The following CCDC198 variants were observed in gnomAD, a reference collection of about 807,000 sequenced individuals.
CCDC198 encodes coiled-coil domain containing 198, also known as factor associated with metabolism and energy.
CCDC198 carries 18 observed loss-of-function variants against 35.6 expected under a neutral mutation model. That is an observed-to-expected ratio of 0.51 (90% CI 0.35 to 0.75). CCDC198 has a LOEUF of 0.75. Among genes scored for constraint, CCDC198 ranks in the 30% least tolerant of loss-of-function variants. The pLI, the probability that CCDC198 is intolerant of heterozygous loss-of-function variation, is 0.01. For missense variants in CCDC198, 365 were observed against 343.7 expected (o/e 1.06, Z -0.49); for synonymous variants, 119 against 113.4 (o/e 1.05, Z -0.31).
At chr14:57,490,444 G>C (rs1253595279) in intron 2 of CCDC198, among the ~76,000 whole-genome samples, 1 of 152,120 alleles carries the variant, frequency 6.6e-6, no homozygotes, top group East Asian at 1.9e-4. Flanking sequence ...AAGATAGAAG[G>C]ACTATAGAAA....
Position 57,469,517 on chromosome 14 carries a change from A to G in CCDC198, c.*1838T>C, listed in dbSNP as rs1333946578. The stretch of plus-strand genomic sequence containing the variant: ...CTAATTTTAGTGTTCAAAGTTATCC[A>G]TCCCATTTTTTGTGTTTTAAGCCTT... On this transcript the variant is annotated 3_prime_UTR_variant, in exon 6 of 6. Coordinates refer to ENST00000216445, the MANE Select transcript of CCDC198 (RefSeq NM_018168.4). The G allele has an allele frequency of 6.6e-6, 1 of 152,212 alleles. No individual in the cohort carries two copies. The highest frequency in any genetic ancestry group is 1.5e-5 in the Non-Finnish European group (1 of 68,038). 9.4% of individuals were successfully genotyped at this position (152,212 alleles called of 1,614,324 possible). A position where few individuals can be genotyped will look rare whatever the true frequency, so the allele number is the denominator to read the frequency against.
At chr14:57,490,387 G>A (rs1369782033) in intron 2 of CCDC198, among the ~76,000 whole-genome samples, 1 of 152,122 alleles carries the variant, frequency 6.6e-6, no homozygotes. Context: ...GGAATCCAGT[G>A]TCCCGAATTT....
Position 57,478,357 on chromosome 14 carries a change from G to A in CCDC198, c.655+2238C>T, listed in dbSNP as rs1213520090. ...CCTTGAATTCTGGCTCTATCACCCT[G>A]GGGCGAATAGTAGCTCCTACCTTCT... On this transcript the variant is annotated intron_variant, in intron 5 of 5. Coordinates refer to ENST00000216445, the MANE Select transcript of CCDC198 (RefSeq NM_018168.4). 6.5e-6 allele frequency: 4 copies of A among 620,070 alleles called. No homozygotes were observed. The East Asian group carries it at 5.6e-4, about 87-fold the overall frequency. 38.4% of individuals were successfully genotyped at this position (620,070 alleles called of 1,614,324 possible).
At chr14:57,479,082 G>A (rs1014325383) in intron 5 of CCDC198, 75 of 1,208,516 alleles carry the variant, frequency 6.2e-5, no homozygotes, top group Non-Finnish European at 7.3e-5. Context: ...GGGCAATGTA[G>A]CGTAGAAGTT....
chr14:57,472,495 G>A (rs1594774781), intron 5 of CCDC198, among the ~76,000 whole-genome samples: 1 of 152,290 alleles, frequency 6.6e-6, no homozygotes, highest in African/African-American at 2.4e-5. Context: ...ATTGGGTAGT[G>A]CTTTTTGTTG....
intron 5 of CCDC198, chr14:57,478,361 C>T (rs992339146): frequency 3.8e-5 from 25 of 662,442 alleles, no homozygotes; most frequent in South Asian, 6.7e-5. Context: ...CACCCTGGGG[C>T]GAATAGTAGC....
rs1189592622 is a variant in CCDC198 at position 57,470,358 on chromosome 14, A to G, written c.*997T>C. The G allele has an allele frequency of 1.3e-5, 2 of 152,122 alleles. No homozygotes were observed. The highest frequency in any genetic ancestry group is 2.9e-5 in the Non-Finnish European group (2 of 68,036). The allele number at this position is 152,122 out of a possible 1,614,324, so 9.4% of individuals were successfully genotyped here. ...GTTTTTTGTTTTTTAATTTTGAGAC[A>G]GAGTCTCATTCTGTCGCCCAGGCTG... On this transcript the variant is annotated 3_prime_UTR_variant, in exon 6 of 6. Coordinates refer to ENST00000216445, the MANE Select transcript of CCDC198 (RefSeq NM_018168.4).
chr14:57,489,530 T>C (rs1017763731), intron 2 of CCDC198, among the ~76,000 whole-genome samples: 1 of 152,036 alleles, frequency 6.6e-6, no homozygotes, highest in Non-Finnish European at 1.5e-5. Context: ...AACTTAAAAG[T>C]TGAAGAAAAA....
intron 5 of CCDC198, among the ~76,000 whole-genome samples, chr14:57,474,329 C>T (rs991504447): frequency 1.3e-5 from 2 of 152,204 alleles, no homozygotes; most frequent in African/African-American, 4.8e-5. Flanking sequence ...TGCCAATCAT[C>T]TCTGCTCTGC....
chr14:57,481,598 A>G lies in CCDC198; in HGVS notation c.456T>C (p.His152=). 6.2e-7 allele frequency: 1 copy of G among 1,612,684 alleles called. No individual in the cohort carries two copies. The highest frequency in any genetic ancestry group is 8.5e-7 in the Non-Finnish European group (1 of 1,179,518). The change falls in exon 4 of 6, where the codon CAT becomes CAC. Residue 152 remains histidine, a synonymous_variant. Transcript: ENST00000216445. ...GGATCATTTCCAGCACTTGCATCTT[A>G]TGCAAATATTGTCTGTTCTCAGAAG... ...MYTSENRQYL[H]KMQVLEMIRK... is the part of the protein sequence containing the mutation.
chr14:57,478,864 C>T (rs893494453), intron 5 of CCDC198: 8 of 1,150,194 alleles, frequency 7.0e-6, no homozygotes, highest in South Asian at 5.6e-5. Flanking sequence ...TCTCTTTCAG[C>T]AGGCAATTTT....
At chr14:57,487,542 G>A (rs775061297) in intron 2 of CCDC198, among the ~76,000 whole-genome samples, 3 of 152,046 alleles carry the variant, frequency 2.0e-5, no homozygotes, top group Non-Finnish European at 4.4e-5. Flanking sequence ...CAGGCCAGAG[G>A]GGACAGTGCT....
intron 2 of CCDC198, among the ~76,000 whole-genome samples, chr14:57,484,951 G>A (rs1459946985): frequency 6.6e-6 from 1 of 152,128 alleles, no homozygotes. Flanking sequence ...AAATTGATGA[G>A]CTCTACAAAT....
intron 5 of CCDC198, chr14:57,479,117 G>T: frequency 1.0e-6 from 1 of 1,000,678 alleles, no homozygotes; most frequent in Admixed American, 2.3e-5. Context: ...CCATTAGAAA[G>T]CATAGAGCGA....
At chr14:57,483,329 T>C in intron 2 of CCDC198, 178 bp from the exon 3 acceptor site, 1 of 876,094 alleles carries the variant, frequency 1.1e-6, no homozygotes. Flanking sequence ...CTTTTCAACC[T>C]ATCTGGGTTC....
intron 1 of CCDC198, among the ~76,000 whole-genome samples, chr14:57,492,456 C>T (rs1056087343): frequency 3.9e-5 from 6 of 152,030 alleles, no homozygotes; most frequent in African/African-American, 1.2e-4. Context: ...GCATTGCATA[C>T]TCTTAGTACA....
chr14:57,479,109 A>G (rs2067100719), intron 5 of CCDC198: 12 of 1,061,202 alleles, frequency 1.1e-5, no homozygotes, highest in Non-Finnish European at 1.5e-5. Flanking sequence ...AAGCCTGTCC[A>G]TTAGAAAGCA....
At chr14:57,478,332 C>A (rs1234483077) in intron 5 of CCDC198, 1 of 368,608 alleles carries the variant, frequency 2.7e-6, no homozygotes, top group Non-Finnish European at 3.8e-6. Context: ...GAAGACCTGA[C>A]CTTGAATTCT....
At chr14:57,483,637 T>C (rs537424128) in intron 2 of CCDC198, among the ~76,000 whole-genome samples, 1 of 152,338 alleles carries the variant, frequency 6.6e-6, no homozygotes, top group Admixed American at 6.5e-5. Context: ...AAAATGAAAC[T>C]GCAGTGTGCT....
Sources: allele counts gnomAD v4.1 joint callset (sites outside exome capture counted in the v4.1 genomes callset), GRCh38; gene constraint gnomAD v4.1.1; transcripts MANE v1.5; gene names NCBI Gene and HGNC (gene_info 2026-07-23, HGNC 2026-07-21).